The following TPD52 variants were observed in gnomAD, a reference collection of about 807,000 sequenced individuals.
The protein encoded by TPD52 is prostate and colon associated protein.
TPD52 carries 17 observed loss-of-function variants against 31.3 expected under a neutral mutation model. The observed-to-expected ratio is 0.54, with a 90% CI of 0.37 to 0.82. The LOEUF (loss-of-function observed/expected upper bound fraction) is 0.82, where lower values mean the gene tolerates loss of function less well. TPD52 is among the 40% of genes least tolerant of loss of function. The pLI is 0.00. For synonymous variants in TPD52, 83 were observed against 89.6 expected (o/e 0.93, Z 0.42); for missense variants, 212 against 240.1 (o/e 0.88, Z 0.77).
intron 1 of TPD52, among the ~76,000 whole-genome samples, chr8:80,125,045 C>A (rs1455490249): frequency 6.6e-6 from 1 of 152,122 alleles, no homozygotes; most frequent in Non-Finnish European, 1.5e-5. Context: ...CCTGATGATT[C>A]TAATGTACAA....
chr8:80,115,609 G>A (rs935020916), intron 1 of TPD52, among the ~76,000 whole-genome samples: 14 of 152,210 alleles, frequency 9.2e-5, no homozygotes, highest in Non-Finnish European at 1.9e-4. Context: ...GCAGAGGGCA[G>A]ACCTTACAGA....
rs1425034038 is a variant in TPD52, at chr8:80,037,257, T to G, written c.*859A>C. The G allele has an allele frequency of 2.0e-5, 3 of 152,560 alleles. No homozygotes were observed. The East Asian group carries it at 5.8e-4, about 29-fold the overall frequency. 9.5% of individuals were successfully genotyped at this position (152,560 alleles called of 1,614,324 possible). A position where few individuals can be genotyped will look rare whatever the true frequency, so the allele number is the denominator to read the frequency against. ...ATTGATATTGTCATTTTTACCAGCT[T>G]CTAGATCTAAACTTTCAGGCTTTTG... is the stretch of plus-strand genomic sequence containing the variant. On this transcript the variant is annotated 3_prime_UTR_variant, in exon 8 of 8. Transcript: ENST00000518937.
At chr8:80,152,042 T>C (rs2131201613) in intron 1 of TPD52, among the ~76,000 whole-genome samples, 1 of 152,264 alleles carries the variant, frequency 6.6e-6, no homozygotes, top group Non-Finnish European at 1.5e-5. Context: ...TGCACCTCTC[T>C]ATCACTTCAA....
At chr8:80,085,856 T>C (rs1815708955) in intron 1 of TPD52, among the ~76,000 whole-genome samples, 1 of 152,114 alleles carries the variant, frequency 6.6e-6, no homozygotes, top group Admixed American at 6.6e-5. Flanking sequence ...GGAAAAACAT[T>C]GAGTGGAGAT....
At chr8:80,066,661 C>T (rs573256197) in intron 1 of TPD52, among the ~76,000 whole-genome samples, 155 of 152,214 alleles carry the variant, frequency 1.0e-3, no homozygotes, top group African/African-American at 3.4e-3. Flanking sequence ...TTACTGGACC[C>T]GTCTCCTGCT....
At chr8:80,151,475 C>T (rs990540515) in intron 1 of TPD52, among the ~76,000 whole-genome samples, 14 of 152,194 alleles carry the variant, frequency 9.2e-5, no homozygotes, top group Non-Finnish European at 2.1e-4. Context: ...TAAGCTCCTG[C>T]ACTAGGACCC....
In TPD52 at chr8:80,042,547, G is replaced by C. The variant is rs1810488139; in HGVS notation, c.504+73C>G. On this transcript the variant is annotated intron_variant, in intron 7 of 7. Transcript: ENST00000518937. ...TTTAGAAAGAAATATTAATGTCAAT[G>C]ATTTTCGCACAGCAAAGTTAATTAA... 9 of 1,549,080 alleles carry C rather than the reference G, an allele frequency of 5.8e-6. No homozygotes were observed. The Admixed American group carries it at 1.7e-4, about 29-fold the overall frequency.
chr8:80,031,311 G>C (rs1305779456), downstream of TPD52, among the ~76,000 whole-genome samples: 1 of 152,202 alleles, frequency 6.6e-6, no homozygotes, highest in Non-Finnish European at 1.5e-5. Flanking sequence ...AGAACACGAA[G>C]TACACTGATC....
chr8:80,094,915 G>C (rs1424047720), intron 1 of TPD52, among the ~76,000 whole-genome samples: 1 of 152,150 alleles, frequency 6.6e-6, no homozygotes, highest in Non-Finnish European at 1.5e-5. Flanking sequence ...GAAGCCCTGG[G>C]AGAGGCAGGC....
intron 1 of TPD52, among the ~76,000 whole-genome samples, chr8:80,095,504 A>C (rs1040180329): frequency 3.9e-5 from 6 of 152,230 alleles, no homozygotes; most frequent in African/African-American, 1.4e-4. Flanking sequence ...TAAAAACTAC[A>C]GACTTTAGTT....
chr8:80,131,977 C>A (rs777326247), intron 1 of TPD52, among the ~76,000 whole-genome samples: 20 of 152,000 alleles, frequency 1.3e-4, no homozygotes, highest in Non-Finnish European at 2.9e-5. Context: ...ACTCACTGAA[C>A]CTGAAGTTCC....
chr8:80,061,514 T>G (rs1025415718), intron 2 of TPD52, among the ~76,000 whole-genome samples: 8 of 151,504 alleles, frequency 5.3e-5, no homozygotes, highest in Admixed American at 5.3e-4. Flanking sequence ...AGACCCCACC[T>G]CTACTGAAAA....
At chr8:80,156,128 G>C (rs1240528361) in intron 1 of TPD52, among the ~76,000 whole-genome samples, 2 of 152,100 alleles carry the variant, frequency 1.3e-5, no homozygotes, top group African/African-American at 4.8e-5. Flanking sequence ...GCCTCAGTTG[G>C]GGGGACTTGA....
chr8:80,171,295 G>C (rs1455418687), intron 1 of TPD52, 130 bp downstream of exon 1: 1 of 1,223,398 alleles, frequency 8.2e-7, no homozygotes, highest in Non-Finnish European at 1.2e-6. Context: ...GATGCAACTT[G>C]CGGCGCCGGC....
intron 1 of TPD52, among the ~76,000 whole-genome samples, chr8:80,103,550 G>C (rs775612438): frequency 3.3e-5 from 5 of 152,152 alleles, no homozygotes; most frequent in Non-Finnish European, 7.4e-5. Flanking sequence ...TCAGAAGTGG[G>C]ATCCAATGGA....
intron 1 of TPD52, among the ~76,000 whole-genome samples, chr8:80,157,057 G>A (rs1811021175): frequency 1.3e-5 from 2 of 152,108 alleles, no homozygotes; most frequent in South Asian, 2.1e-4. Flanking sequence ...TGAGGTTCCC[G>A]CTCCACTTTG....
intron 1 of TPD52, among the ~76,000 whole-genome samples, chr8:80,098,950 C>T (rs1806527028): frequency 6.6e-6 from 1 of 152,188 alleles, no homozygotes; most frequent in Admixed American, 6.5e-5. Context: ...CATTAGGACT[C>T]ACTGAAGACT....
intron 1 of TPD52, among the ~76,000 whole-genome samples, chr8:80,170,069 G>A (rs1049577729): frequency 1.6e-4 from 25 of 152,176 alleles, no homozygotes; most frequent in Admixed American, 3.9e-4. Flanking sequence ...ATCTGAAGGG[G>A]AGCGAGGAAA....
intron 1 of TPD52, among the ~76,000 whole-genome samples, chr8:80,148,229 T>C (rs1810333767): frequency 6.6e-6 from 1 of 151,998 alleles, no homozygotes; most frequent in African/African-American, 2.4e-5. Flanking sequence ...CACAGCTCAC[T>C]GAAGCTTCAA....
Sources: allele counts gnomAD v4.1 joint callset (sites outside exome capture counted in the v4.1 genomes callset), GRCh38; gene constraint gnomAD v4.1.1; transcripts MANE v1.5; gene names NCBI Gene and HGNC (gene_info 2026-07-23, HGNC 2026-07-21).